COL8A1: variants seen among roughly 807,000 people sequenced by gnomAD.
The protein encoded by COL8A1 is collagen type VIII alpha 1 chain.
In COL8A1, 21 loss-of-function variants were observed where a neutral mutation model predicts 42.7. The observed-to-expected ratio is 0.49, with a 90% CI of 0.35 to 0.71. The LOEUF is 0.71. Among genes scored for constraint, COL8A1 ranks in the 30% least tolerant of loss-of-function variants. The probability of loss-of-function intolerance (pLI) is 0.01; values close to 1 mark genes in which losing one functional copy is unlikely to be tolerated. For missense variants in COL8A1, 788 were observed against 962.4 expected (o/e 0.82, Z 2.40); for synonymous variants, 367 against 369.1 (o/e 0.99, Z 0.06).
intron 1 of COL8A1, among the ~76,000 whole-genome samples, chr3:99,656,238 G>A (rs1938019073): frequency 6.6e-6 from 1 of 152,092 alleles, no homozygotes; most frequent in Non-Finnish European, 1.5e-5. Flanking sequence ...ATTCTAATAT[G>A]TGTGTGTCTA....
intron 2 of COL8A1, among the ~76,000 whole-genome samples, chr3:99,763,820 C>T (rs967860759): frequency 7.2e-5 from 11 of 152,254 alleles, no homozygotes; most frequent in Non-Finnish European, 1.3e-4. Flanking sequence ...CCCAAGTAAC[C>T]ATGCATTTGA....
intron 2 of COL8A1, among the ~76,000 whole-genome samples, chr3:99,752,018 T>A (rs1009609700): frequency 6.6e-6 from 1 of 152,200 alleles, no homozygotes; most frequent in Non-Finnish European, 1.5e-5. Flanking sequence ...AAAATCCTCC[T>A]GATTTAATGC....
At chr3:99,729,286 G>A (rs2107381266) in intron 1 of COL8A1, among the ~76,000 whole-genome samples, 1 of 152,044 alleles carries the variant, frequency 6.6e-6, no homozygotes, top group Admixed American at 6.6e-5. Context: ...ACATATTGAA[G>A]TGTTAATTTC....
intron 1 of COL8A1, among the ~76,000 whole-genome samples, chr3:99,639,367 T>C (rs1318633459): frequency 6.6e-6 from 1 of 152,226 alleles, no homozygotes; most frequent in Non-Finnish European, 1.5e-5. Flanking sequence ...CATGAATTTC[T>C]GTACACACAC....
intron 1 of COL8A1, among the ~76,000 whole-genome samples, chr3:99,654,528 C>T (rs1053948431): frequency 6.6e-6 from 1 of 152,130 alleles, no homozygotes; most frequent in African/African-American, 2.4e-5. Flanking sequence ...TGGCTCACAC[C>T]TGTAATCCCA....
chr3:99,736,698 T>C (rs1433991249), intron 1 of COL8A1, among the ~76,000 whole-genome samples: 2 of 152,138 alleles, frequency 1.3e-5, no homozygotes, highest in Non-Finnish European at 2.9e-5. Flanking sequence ...CTGAAAAGAA[T>C]GTATATTCTG....
chr3:99,761,732 T>C (rs1054397535), intron 2 of COL8A1, among the ~76,000 whole-genome samples: 1 of 152,120 alleles, frequency 6.6e-6, no homozygotes, highest in Non-Finnish European at 1.5e-5. Flanking sequence ...TATCTAGATA[T>C]CTCTGGCTTT....
At chr3:99,750,049 C>CTTTTTTTTTTTTTTTTTTTTTTTTTT (rs1176042144) in intron 2 of COL8A1, among the ~76,000 whole-genome samples, 3 of 65,960 alleles carry the variant, frequency 4.5e-5, no homozygotes, top group African/African-American at 6.1e-5. Context: ...TTTTTTTCTT[C>CTTTTTTTTTTTTTTTTTTTTTTTTTT]TTTTTTTTTT....
intron 1 of COL8A1, among the ~76,000 whole-genome samples, chr3:99,727,937 A>C (rs1439325429): frequency 6.6e-6 from 1 of 151,668 alleles, no homozygotes; most frequent in Non-Finnish European, 1.5e-5. Context: ...GACAAAATTC[A>C]ACAACCCTTC....
At chr3:99,675,315 A>T in intron 1 of COL8A1, among the ~76,000 whole-genome samples, 1 of 152,004 alleles carries the variant, frequency 6.6e-6, no homozygotes, top group South Asian at 2.1e-4. Context: ...TTATTATAGA[A>T]GATTAGGAGT....
At chr3:99,721,390 GAA>G (rs1380882777) in intron 1 of COL8A1, among the ~76,000 whole-genome samples, 1 of 143,978 alleles carries the variant, frequency 6.9e-6, no homozygotes, top group Non-Finnish European at 1.5e-5. Context: ...AAAAAGAAAG[GAA>G]AGGAAAAAGG....
At chr3:99,705,220 C>A (rs1220954591) in intron 1 of COL8A1, among the ~76,000 whole-genome samples, 1 of 152,150 alleles carries the variant, frequency 6.6e-6, no homozygotes, top group African/African-American at 2.4e-5. Context: ...GACGTACGTC[C>A]AGGTTAGTGA....
chr3:99,773,838 T>TATATATATATATATATATATA (rs57465016), intron 2 of COL8A1, among the ~76,000 whole-genome samples: 1 of 58,418 alleles, frequency 1.7e-5, no homozygotes, highest in African/African-American at 9.3e-5. Flanking sequence ...TATATATATA[T>TATATATATATATATATATATA]TTTTTTTTTT....
intron 1 of COL8A1, among the ~76,000 whole-genome samples, chr3:99,739,095 C>A (rs868370750): frequency 6.6e-6 from 1 of 152,182 alleles, no homozygotes; most frequent in African/African-American, 2.4e-5. Context: ...GTGCACGGTG[C>A]GCGCACCCAC....
intron 1 of COL8A1, among the ~76,000 whole-genome samples, chr3:99,711,337 AAAGT>A (rs1406064280): frequency 1.3e-5 from 2 of 152,210 alleles, no homozygotes; most frequent in Non-Finnish European, 2.9e-5. Flanking sequence ...AAACACAGGG[AAAGT>A]AAGTCACTAA....
intron 2 of COL8A1, among the ~76,000 whole-genome samples, chr3:99,751,644 C>T (rs373499913): frequency 3.1e-4 from 47 of 152,232 alleles, no homozygotes; most frequent in East Asian, 1.7e-3. Flanking sequence ...ATCTTACTGA[C>T]GAAAAATTAG....
intron 1 of COL8A1, among the ~76,000 whole-genome samples, chr3:99,662,090 T>C (rs1938222166): frequency 6.6e-6 from 1 of 152,158 alleles, no homozygotes; most frequent in Non-Finnish European, 1.5e-5. Flanking sequence ...TAAAAATGGT[T>C]AATATGGGCC....
intron 1 of COL8A1, among the ~76,000 whole-genome samples, chr3:99,687,939 C>T (rs560635269): frequency 6.6e-6 from 1 of 152,276 alleles, no homozygotes; most frequent in African/African-American, 2.4e-5. Flanking sequence ...GAAAGCAGCA[C>T]AAGAGAGTTG....
At position 99,794,086 on chromosome 3, in the gene COL8A1, C is replaced by T; in HGVS notation, c.329-144C>T. The T allele has an allele frequency of 1.8e-6, 1 of 562,522 alleles. No individual in the cohort carries two copies. The highest frequency in any genetic ancestry group is 2.8e-5 in the East Asian group (1 of 35,094). The allele number at this position is 562,522 out of a possible 1,614,324, so 34.8% of individuals were successfully genotyped here. A position where few individuals can be genotyped will look rare whatever the true frequency, so the allele number is the denominator to read the frequency against. ...AGGTCTAGAAGATGAGCATATTATT[C>T]CTAGTCTTTTCTCTTGATAAGTATT... On this transcript the variant is annotated intron_variant, in intron 3 of 3. Transcript: ENST00000652472. This position sits in a 1 kb window ranked among gnomAD's most constrained non-coding sequence, Gnocchi z 4.3.
Sources: gnomAD v4.1 joint callset for allele counts (sites outside exome capture counted in the v4.1 genomes callset) on GRCh38, gnomAD v4.1.1 for gene constraint, Gnocchi (gnomAD v3.1) non-coding constraint, MANE v1.5 for transcripts, NCBI Gene and HGNC (gene_info 2026-07-23, HGNC 2026-07-21) for gene names.